Variants in SHROOM3 observed in about 807,000 individuals in gnomAD.
SHROOM3 encodes shroom family member 3.
A neutral mutation model predicts 138.6 loss-of-function variants in SHROOM3; 47 were observed. The observed-to-expected ratio is 0.34, with a 90% confidence interval of 0.27 to 0.43. The LOEUF (loss-of-function observed/expected upper bound fraction) is 0.43, where lower values mean the gene tolerates loss of function less well. Ranked by LOEUF, SHROOM3 falls within the 20% of genes least tolerant of loss-of-function variation. The pLI is 1.00. For missense variants in SHROOM3, 2,491 were observed against 2,596.5 expected, an observed-to-expected ratio of 0.96 and a Z score of 0.88; for synonymous variants, 1,062 against 1,063.3, an observed-to-expected ratio of 1.00 and a Z score of 0.02.
chr4:76,617,001 A>T (rs1734896737), intron 2 of SHROOM3, among the ~76,000 whole-genome samples: 1 of 152,232 alleles, frequency 6.6e-6, no homozygotes, highest in African/African-American at 2.4e-5. Flanking sequence ...ATGAATGTGT[A>T]TTTAAAAATC....
At chr4:76,679,058 G>A (rs1044980467) in intron 2 of SHROOM3, among the ~76,000 whole-genome samples, 49 of 152,178 alleles carry the variant, frequency 3.2e-4, no homozygotes, top group African/African-American at 9.4e-4. Context: ...CTTGGTCAGC[G>A]AAGCTGCTCT....
intron 9 of SHROOM3, among the ~76,000 whole-genome samples, chr4:76,767,546 G>A (rs910367561): frequency 5.9e-5 from 9 of 152,042 alleles, no homozygotes; most frequent in African/African-American, 1.2e-4. Flanking sequence ...GCGTGGTGGC[G>A]GGTGCCAGTA....
chr4:76,651,783 T>G (rs1345087312), intron 2 of SHROOM3, among the ~76,000 whole-genome samples: 1 of 152,148 alleles, frequency 6.6e-6, no homozygotes, highest in Non-Finnish European at 1.5e-5. Flanking sequence ...AAGATATGTT[T>G]AATGGCAATG....
chr4:76,485,551 A>T (rs776242487), intron 1 of SHROOM3, among the ~76,000 whole-genome samples: 1 of 152,200 alleles, frequency 6.6e-6, no homozygotes, highest in Non-Finnish European at 1.5e-5. Context: ...TAGTAGTGGC[A>T]GTATGGATTT....
At chr4:76,655,496 G>T (rs1244076164) in intron 2 of SHROOM3, among the ~76,000 whole-genome samples, 1 of 152,144 alleles carries the variant, frequency 6.6e-6, no homozygotes, top group Non-Finnish European at 1.5e-5. Context: ...CAGGAAAAAA[G>T]GGAAAAATGT....
chr4:76,644,845 G>C (rs1039311623), intron 2 of SHROOM3, among the ~76,000 whole-genome samples: 1 of 151,992 alleles, frequency 6.6e-6, no homozygotes, highest in Non-Finnish European at 1.5e-5. Context: ...TGTTCCTTTT[G>C]TGTCTTGGAC....
chr4:76,693,155 T>C (rs1490292002), intron 2 of SHROOM3, among the ~76,000 whole-genome samples: 1 of 152,106 alleles, frequency 6.6e-6, no homozygotes, highest in African/African-American at 2.4e-5. Flanking sequence ...GTTGCAAAGA[T>C]TGAGTTAATG....
intron 1 of SHROOM3, among the ~76,000 whole-genome samples, chr4:76,528,746 G>A (rs896675670): frequency 2.0e-5 from 3 of 152,038 alleles, no homozygotes; most frequent in African/African-American, 7.2e-5. Flanking sequence ...TAGAGATGGG[G>A]TTTCACCATG....
chr4:76,447,116 T>A (rs190128890), intron 1 of SHROOM3, among the ~76,000 whole-genome samples: 531 of 152,322 alleles, frequency 3.5e-3, no homozygotes, highest in Admixed American at 7.1e-3. Flanking sequence ...CACTCATTCT[T>A]GGTTCCTGGA....
intron 3 of SHROOM3, among the ~76,000 whole-genome samples, chr4:76,721,747 A>G (rs1205019485): frequency 6.6e-6 from 1 of 152,204 alleles, no homozygotes; most frequent in Non-Finnish European, 1.5e-5. Flanking sequence ...AAGGAGTGAA[A>G]TGAGATTATA....
rs754005364 is a variant in SHROOM3, at chr4:76,740,507, C to G, written c.2334C>G (p.His778Gln). The change falls in exon 5 of 11, where the codon CAC (histidine) becomes CAG (glutamine). Residue 778 changes from histidine (H) to glutamine (Q), a missense_variant. By Grantham distance (24) the His-to-Gln change is conservative. Coordinates refer to ENST00000296043, the MANE Select transcript of SHROOM3 (RefSeq NM_020859.4). The surrounding 1 kb of genome is among the most constrained non-coding windows in gnomAD (Gnocchi z 4.0). ...ALQGFQYGKP[H>Q]CSVLEKVSKF... is the part of the protein sequence containing the mutation. Reference sequence around the variant, plus strand: ...AGGGCTTTCAGTACGGGAAGCCCCACTGCTCGGTGCTGGAGAAGGTCTCCA... The same window carrying G: ...AGGGCTTTCAGTACGGGAAGCCCCAGTGCTCGGTGCTGGAGAAGGTCTCCA... The G allele has an allele frequency of 6.2e-7, 1 of 1,613,760 alleles. No individual in the cohort carries two copies. Among genetic ancestry groups the G allele is most frequent in the Non-Finnish European group, 8.5e-7 (1 of 1,179,810 alleles).
At position 76,740,973 on chromosome 4, in the gene SHROOM3, C is replaced by T. The variant is rs757188474; in HGVS notation, c.2800C>T (p.Arg934Cys). Residue 934 changes from arginine (R) to cysteine (C), a missense_variant, in exon 5 of 11, where the codon CGT (arginine) becomes TGT (cysteine). Coordinates refer to ENST00000296043, the MANE Select transcript of SHROOM3 (RefSeq NM_020859.4). This position sits in a 1 kb window ranked among gnomAD's most constrained non-coding sequence, Gnocchi z 4.0. ...YRNSIKDAQS[R>C]VLGATSFRRR... The stretch of plus-strand genomic sequence containing the variant: ...GAACAGCATCAAGGACGCACAGTCC[C>T]GTGTCTTGGGGGCCACCTCCTTTCG... The T allele has an allele frequency of 4.0e-6, 6 of 1,496,412 alleles. No homozygotes were observed. Among genetic ancestry groups the T allele is most frequent in the Admixed American group, 2.5e-5 (1 of 40,690 alleles). The allele number at this position is 1,496,412 out of a possible 1,614,324, so 92.7% of individuals were successfully genotyped here.
chr4:76,518,565 TCTTGCCTG>T (rs1427375617), intron 1 of SHROOM3, among the ~76,000 whole-genome samples: 4 of 143,888 alleles, frequency 2.8e-5, no homozygotes, highest in Admixed American at 7.0e-5. Flanking sequence ...CTTCCTTCCT[TCTTGCCTG>T]CTTGCCTGCC....
intron 1 of SHROOM3, among the ~76,000 whole-genome samples, chr4:76,464,765 C>T (rs2109977960): frequency 6.6e-6 from 1 of 152,200 alleles, no homozygotes; most frequent in South Asian, 2.1e-4. Flanking sequence ...TGTAGCACTT[C>T]CCTCTTTACC....
At chr4:76,603,182 G>A (rs1734541137) in intron 2 of SHROOM3, among the ~76,000 whole-genome samples, 1 of 152,124 alleles carries the variant, frequency 6.6e-6, no homozygotes, top group Admixed American at 6.5e-5. Flanking sequence ...ACTTTGGAAG[G>A]CCGAGGAGAA....
chr4:76,608,582 T>G (rs1027588415), intron 2 of SHROOM3, among the ~76,000 whole-genome samples: 11 of 148,184 alleles, frequency 7.4e-5, no homozygotes, highest in African/African-American at 2.6e-4. Flanking sequence ...TAGCATAGCA[T>G]AGCATAGCAT....
chr4:76,553,177 G>A (rs184534375), intron 1 of SHROOM3, among the ~76,000 whole-genome samples: 1 of 152,192 alleles, frequency 6.6e-6, no homozygotes, highest in African/African-American at 2.4e-5. Context: ...TTTTGAGACA[G>A]AGTCTCGCTC....
At chr4:76,692,588 A>G (rs753417188) in intron 2 of SHROOM3, among the ~76,000 whole-genome samples, 9 of 152,340 alleles carry the variant, frequency 5.9e-5, no homozygotes, top group Non-Finnish European at 1.2e-4. Flanking sequence ...CTTATTTATA[A>G]TGACCAATAC....
intron 2 of SHROOM3, among the ~76,000 whole-genome samples, chr4:76,661,751 T>C (rs1161103340): frequency 6.6e-6 from 1 of 152,236 alleles, no homozygotes; most frequent in African/African-American, 2.4e-5. Flanking sequence ...GTTGCTTGTA[T>C]TAATAGTTCA....
Sources: allele counts gnomAD v4.1 joint callset (sites outside exome capture counted in the v4.1 genomes callset), GRCh38; gene constraint gnomAD v4.1.1; non-coding constraint Gnocchi (gnomAD v3.1); transcripts MANE v1.5; gene names NCBI Gene and HGNC (gene_info 2026-07-23, HGNC 2026-07-21).